LPP: variants seen among roughly 807,000 people sequenced by gnomAD.
LPP encodes the protein lipoma-preferred partner.
LPP carries 38 observed loss-of-function variants against 60.4 expected under a neutral mutation model. The observed-to-expected ratio is 0.63, with a 90% CI of 0.49 to 0.83. The LOEUF is 0.83. LPP is among the 40% of genes least tolerant of loss of function. LPP has a pLI of 0.00. For synonymous variants in LPP, 328 were observed against 290.8 expected (o/e 1.13, Z -1.30); for missense variants, 902 against 783.6 (o/e 1.15, Z -1.80).
At chr3:188,304,007 C>A (rs1750752309) in intron 2 of LPP, among the ~76,000 whole-genome samples, 2 of 152,294 alleles carry the variant, frequency 1.3e-5, no homozygotes, top group South Asian at 4.1e-4. Flanking sequence ...TGGCGGAAAT[C>A]TACCCTACTT....
intron 1 of LPP, among the ~76,000 whole-genome samples, chr3:188,216,460 G>T (rs984504462): frequency 6.6e-6 from 1 of 151,874 alleles, no homozygotes; most frequent in African/African-American, 2.4e-5. Flanking sequence ...TAGTAGAGAC[G>T]GGGTTTCACC....
intron 4 of LPP, among the ~76,000 whole-genome samples, chr3:188,427,892 G>C (rs768506385): frequency 6.6e-6 from 1 of 152,074 alleles, no homozygotes; most frequent in Admixed American, 6.5e-5. Flanking sequence ...TGGCTCCCTG[G>C]CTTCAGTCCC....
In LPP at chr3:188,728,892, A is replaced by T. The variant is rs1035062535; in HGVS notation, c.1240+20499A>T. ...TGCTTTCTGAAAAAAAAAAAAATGT[A>T]CCATGAACAAATTTAGAGGTCTCTG... On this transcript the variant is annotated intron_variant, in intron 8 of 11. Coordinates refer to ENST00000617246, the MANE Select transcript of LPP (RefSeq NM_001375462.1). Among the ~76,000 whole-genome samples the T allele has an allele frequency of 2.0e-5, 3 of 151,800 alleles. No homozygotes were observed. In the East Asian group the frequency reaches 5.8e-4, roughly 29 times the overall value.
At chr3:188,400,337 T>G (rs1204329516) in intron 3 of LPP, among the ~76,000 whole-genome samples, 1 of 152,216 alleles carries the variant, frequency 6.6e-6, no homozygotes, top group Non-Finnish European at 1.5e-5. Context: ...TTGTTAGCTG[T>G]ATATCCTTGA....
At position 188,522,784 on chromosome 3, in the gene LPP, A is replaced by AATATATATATAT. The variant is rs61033243; in HGVS notation, c.307-1860_307-1849dup. On this transcript the variant is annotated intron_variant, in intron 5 of 11. Coordinates refer to ENST00000617246, the MANE Select transcript of LPP (RefSeq NM_001375462.1). ...TGTTTTAGATAATGTGATAATATGA[A>AATATATATATAT]ATATATATATATATATATATATATA... Among the ~76,000 whole-genome samples the AATATATATATAT allele has an allele frequency of 8.3e-3, 1,042 of 125,124 alleles. 7 individuals are homozygous for AATATATATATAT. The highest frequency in any genetic ancestry group is 0.02 in the East Asian group (58 of 2,888). 82.1% of individuals were successfully genotyped at this position (125,124 alleles called of 152,430 possible).
intron 4 of LPP, among the ~76,000 whole-genome samples, chr3:188,451,010 A>G (rs753690560): frequency 4.6e-5 from 7 of 151,876 alleles, no homozygotes; most frequent in Admixed American, 4.6e-4. Flanking sequence ...ATCATAGTGC[A>G]TTTTAATATT....
At chr3:188,675,620 G>A (rs1262137680) in intron 7 of LPP, among the ~76,000 whole-genome samples, 1 of 152,144 alleles carries the variant, frequency 6.6e-6, no homozygotes, top group Non-Finnish European at 1.5e-5. Flanking sequence ...TGGCTTTATA[G>A]CCTTAGACAA....
intron 9 of LPP, among the ~76,000 whole-genome samples, chr3:188,820,136 A>T (rs1157971521): frequency 1.3e-5 from 2 of 152,296 alleles, no homozygotes; most frequent in Middle Eastern, 3.4e-3. Flanking sequence ...TGGTAATCAC[A>T]TTTCTCAAAC....
At chr3:188,685,127 G>A (rs1157192753) in intron 7 of LPP, among the ~76,000 whole-genome samples, 3 of 152,194 alleles carry the variant, frequency 2.0e-5, no homozygotes, top group Non-Finnish European at 4.4e-5. Flanking sequence ...ACCTGCCCAA[G>A]GTCATACTAT....
intron 9 of LPP, among the ~76,000 whole-genome samples, chr3:188,864,163 T>C (rs1257419813): frequency 6.6e-6 from 1 of 152,152 alleles, no homozygotes; most frequent in Non-Finnish European, 1.5e-5. Context: ...AATAGGTTAA[T>C]AGTTTCCATG....
At chr3:188,845,205 G>A (rs1306250111) in intron 9 of LPP, among the ~76,000 whole-genome samples, 3 of 152,186 alleles carry the variant, frequency 2.0e-5, no homozygotes, top group African/African-American at 7.2e-5. Flanking sequence ...GAAGTACCTA[G>A]AAGGCCATAA....
rs1392079329 is a variant in LPP at position 188,886,719 on chromosome 3, AACACACACACACACACAT to A, written c.*12258_*12275del. 4 of 153,722 alleles carry A rather than the reference AACACACACACACACACAT, an allele frequency of 2.6e-5. No individual in the cohort carries two copies. The highest frequency in any genetic ancestry group is 8.0e-5 in the East Asian group (1 of 12,452). 9.5% of individuals were successfully genotyped at this position (153,722 alleles called of 1,614,324 possible). On this transcript the variant is annotated 3_prime_UTR_variant, in exon 12 of 12. Transcript: ENST00000617246. ...GATCATACAATTGTATTGTCTTCAA[AACACACACACACACACAT>A]ACACACACACACACACACACACACA...
chr3:188,510,344 G>T (rs1579488066), intron 5 of LPP, among the ~76,000 whole-genome samples: 1 of 152,166 alleles, frequency 6.6e-6, no homozygotes, highest in East Asian at 1.9e-4. Flanking sequence ...CTTGTTTGTT[G>T]TGCTGTGGAA....
chr3:188,211,080 CA>C (rs1463295354), intron 1 of LPP, among the ~76,000 whole-genome samples: 1 of 152,086 alleles, frequency 6.6e-6, no homozygotes, highest in Non-Finnish European at 1.5e-5. Flanking sequence ...AACAAATAAT[CA>C]AAATGAATGT....
intron 3 of LPP, among the ~76,000 whole-genome samples, chr3:188,397,683 G>A (rs777604249): frequency 4.0e-5 from 6 of 151,524 alleles, no homozygotes; most frequent in South Asian, 2.1e-4. Context: ...GCGCGATCTC[G>A]GCTCACTGCA....
chr3:188,858,512 C>T (rs1764361149), intron 9 of LPP, among the ~76,000 whole-genome samples: 1 of 152,150 alleles, frequency 6.6e-6, no homozygotes, highest in Non-Finnish European at 1.5e-5. Context: ...TTTAGTAAAG[C>T]TCAGATCACA....
In LPP at chr3:188,572,840, A is replaced by G. The variant is rs1302994054; in HGVS notation, c.430-36321A>G. On this transcript the variant is annotated intron_variant, in intron 6 of 11. Transcript: ENST00000617246. The surrounding 1 kb of genome is among the most constrained non-coding windows in gnomAD (Gnocchi z 4.1). Reference sequence around the variant, plus strand: ...TCATAGGACAGAAGGAGTTCTTTGCAGACTAATAGTTGTCATTTCCAACAC... The same window carrying G: ...TCATAGGACAGAAGGAGTTCTTTGCGGACTAATAGTTGTCATTTCCAACAC... 6.6e-6 allele frequency among the ~76,000 whole-genome samples: 1 copy of G among 152,124 alleles called. No homozygotes were observed. The highest frequency in any genetic ancestry group is 2.4e-5 in the African/African-American group (1 of 41,438).
At position 188,244,948 on chromosome 3, in the gene LPP, A is replaced by G. The variant is rs535928766; in HGVS notation, c.-67+19421A>G. Among the ~76,000 whole-genome samples, 3 of 152,086 alleles carry G rather than the reference A, an allele frequency of 2.0e-5. No homozygotes were observed. In the East Asian group the frequency reaches 5.8e-4, roughly 29 times the overall value. ...ATGATTTTGTATCTCCTTACTAGGC[A>G]TATGTTCCTTGAGGGCATGGACCGT... On this transcript the variant is annotated intron_variant, in intron 2 of 11. Coordinates refer to ENST00000617246, the MANE Select transcript of LPP (RefSeq NM_001375462.1).
intron 4 of LPP, among the ~76,000 whole-genome samples, chr3:188,464,997 AGCC>A (rs1800019787): frequency 6.8e-6 from 1 of 146,106 alleles, no homozygotes; most frequent in Non-Finnish European, 1.5e-5. Context: ...AAAAAAAAAA[AGCC>A]CAAGCCCCAA....
Sources: allele counts gnomAD v4.1 joint callset (sites outside exome capture counted in the v4.1 genomes callset), GRCh38; gene constraint gnomAD v4.1.1; non-coding constraint Gnocchi (gnomAD v3.1); transcripts MANE v1.5; gene names NCBI Gene and HGNC (gene_info 2026-07-23, HGNC 2026-07-21).